The following NCOR2 variants were observed in gnomAD, a reference collection of about 807,000 sequenced individuals.
NCOR2 encodes CTG repeat protein 26.
NCOR2 carries 81 observed loss-of-function variants against 262.9 expected under a neutral mutation model. The ratio of observed to expected loss-of-function variants is 0.31; its 90% CI spans 0.26 to 0.37. The LOEUF is 0.37. Ranked by LOEUF, NCOR2 falls within the 10% of genes least tolerant of loss-of-function variation. The pLI, the probability that NCOR2 is intolerant of heterozygous loss-of-function variation, is 1.00. For missense variants in NCOR2, 3,385 were observed against 3,621.4 expected (o/e 0.93, Z 1.68); for synonymous variants, 1,659 against 1,559.3 (o/e 1.06, Z -1.51).
chr12:124,342,006 G>T (rs932701424), exon 34 of NCOR2: 1 of 1,613,296 alleles, frequency 6.2e-7, no homozygotes, highest in Admixed American at 1.7e-5. Flanking sequence ...CCGCGGATGA[G>T]GTAGGGTGGG....
At chr12:124,354,030 A>T (rs142891463) in intron 27 of NCOR2, 63 bp downstream of exon 29, 24 of 1,440,642 alleles carry the variant, frequency 1.7e-5, no homozygotes, top group Non-Finnish European at 2.1e-5. Context: ...ATGAGGGGTT[A>T]TAAGATGGGC....
At chr12:124,421,872 G>T (rs1476681735) in intron 12 of NCOR2, among the ~76,000 whole-genome samples, 1 of 152,202 alleles carries the variant, frequency 6.6e-6, no homozygotes, top group African/African-American at 2.4e-5. Flanking sequence ...CCATTCTCTG[G>T]GGACACTTTG....
chr12:124,526,690 A>G (rs2050489532), intron 1 of NCOR2, among the ~76,000 whole-genome samples: 1 of 152,168 alleles, frequency 6.6e-6, no homozygotes, highest in Non-Finnish European at 1.5e-5. Context: ...CAGCCACAGC[A>G]AGAACCCCAG....
At chr12:124,453,229 G>A (rs1811136207) in intron 6 of NCOR2, among the ~76,000 whole-genome samples, 1 of 152,186 alleles carries the variant, frequency 6.6e-6, no homozygotes, top group African/African-American at 2.4e-5. Context: ...CCCACATGGG[G>A]CCATGAGGCA....
chr12:124,348,482 C>A (rs2037131895), intron 28 of NCOR2, 168 bp from the exon 31 acceptor site: 5 of 891,374 alleles, frequency 5.6e-6, no homozygotes, highest in Non-Finnish European at 8.1e-6. Context: ...AGCCTGCAGG[C>A]CCTGGGGGCC....
At chr12:124,466,258 G>T in exon 5 of NCOR2, 1 of 1,608,242 alleles carries the variant, frequency 6.2e-7, no homozygotes, top group Non-Finnish European at 8.5e-7. Flanking sequence ...AGGCTCGGGC[G>T]GCTTGGCAGC....
chr12:124,552,283 G>T (rs1181719234), intron 1 of NCOR2, among the ~76,000 whole-genome samples: 2 of 151,762 alleles, frequency 1.3e-5, no homozygotes, highest in Non-Finnish European at 2.9e-5. Flanking sequence ...AATGGAGCTG[G>T]ACTCCAGCTT....
intron 7 of NCOR2, 95 bp from the exon 10 acceptor site, chr12:124,438,091 G>T: frequency 1.6e-5 from 20 of 1,245,190 alleles, no homozygotes; most frequent in Non-Finnish European, 2.2e-5. Flanking sequence ...CCCCAAATTT[G>T]CCCCGTTATT....
intron 13 of NCOR2, among the ~76,000 whole-genome samples, chr12:124,407,139 C>T (rs11831803): frequency 0.036 from 5,431 of 152,314 alleles, 247 homozygotes; most frequent in African/African-American, 0.1. Context: ...CCAAATGATG[C>T]CATTGCCTGA....
intron 37 of NCOR2, among the ~76,000 whole-genome samples, chr12:124,339,163 C>A (rs1593117892): frequency 1.4e-5 from 2 of 144,182 alleles, no homozygotes; most frequent in South Asian, 4.6e-4. Context: ...ACCCAGTTAA[C>A]CCAGCCATCT....
chr12:124,545,741 G>T (rs371009155), intron 1 of NCOR2, among the ~76,000 whole-genome samples: 14 of 152,010 alleles, frequency 9.2e-5, no homozygotes, highest in African/African-American at 2.4e-4. Flanking sequence ...AGTGAGCCAC[G>T]CTGCTTCCCT....
intron 8 of NCOR2, among the ~76,000 whole-genome samples, chr12:124,435,512 T>C (rs1347263791): frequency 6.6e-6 from 1 of 152,298 alleles, no homozygotes; most frequent in Middle Eastern, 3.4e-3. Context: ...TGGCTGGAAG[T>C]GTCTCCTCCC....
chr12:124,364,013 G>A (rs1702316), intron 20 of NCOR2, among the ~76,000 whole-genome samples: 34,462 of 152,164 alleles, frequency 0.23, 4,530 homozygotes, highest in East Asian at 0.61. Flanking sequence ...GGGGAGGCAC[G>A]AGTGGGCGGG....
At position 124,336,739 on chromosome 12, in the gene NCOR2, C is replaced by A; in HGVS notation, c.6115+14G>T. ...TCGCGTCTATGAAGGTGGCCGCTGT[C>A]AGGGTGGTCTTACCCAGAGAACGGA... On this transcript the variant is annotated intron_variant, in intron 38 of 46. Transcript: ENST00000405201. 2 of 1,611,794 alleles carry A rather than the reference C, an allele frequency of 1.2e-6. No homozygotes were observed. Among genetic ancestry groups the A allele is most frequent in the South Asian group, 2.2e-5 (2 of 90,816 alleles).
At chr12:124,348,148 A>T (rs2037105572) in intron 29 of NCOR2, 26 bp downstream of exon 31, 1 of 1,606,876 alleles carries the variant, frequency 6.2e-7, no homozygotes, top group African/African-American at 1.3e-5. Context: ...GGGCACCGAG[A>T]GATGAAGTCT....
intron 4 of NCOR2, 48 bp downstream of exon 6, chr12:124,472,904 G>C (rs775212491): frequency 9.1e-5 from 146 of 1,607,342 alleles, no homozygotes; most frequent in Non-Finnish European, 1.2e-4. Flanking sequence ...ACTGCTGCTA[G>C]AATGGAGACT....
chr12:124,553,100 C>G (rs113624701), intron 1 of NCOR2, among the ~76,000 whole-genome samples: 1,741 of 152,344 alleles, frequency 0.011, 33 homozygotes, highest in African/African-American at 0.038. Context: ...AGGGGAGAAC[C>G]TGTCCATCAC....
At chr12:124,543,730 C>T (rs1445107826) in intron 1 of NCOR2, among the ~76,000 whole-genome samples, 1 of 152,210 alleles carries the variant, frequency 6.6e-6, no homozygotes, top group East Asian at 1.9e-4. Flanking sequence ...GTGGCAGCAG[C>T]CTGGCTCATG....
At chr12:124,495,290 A>G (rs761770954), upstream of NCOR2, 36 of 1,586,492 alleles carry the variant, frequency 2.3e-5, no homozygotes, top group African/African-American at 1.3e-4. This position sits in a 1 kb window ranked among gnomAD's most constrained non-coding sequence, Gnocchi z 4.4. Flanking sequence ...CCAGGCCCCA[A>G]TAAGCTTTCT....
Sources: gnomAD v4.1 joint callset for allele counts (sites outside exome capture counted in the v4.1 genomes callset) on GRCh38, gnomAD v4.1.1 for gene constraint, Gnocchi (gnomAD v3.1) non-coding constraint, MANE v1.5 for transcripts, NCBI Gene and HGNC (gene_info 2026-07-23, HGNC 2026-07-21) for gene names.